TRPC4AP: variants seen among roughly 807,000 people sequenced by gnomAD.
The protein encoded by TRPC4AP is short transient receptor potential channel 4-associated protein.
In TRPC4AP, 45 loss-of-function variants were observed where a neutral mutation model predicts 99.0. That is an observed-to-expected ratio of 0.45 (90% CI 0.36 to 0.58). TRPC4AP has a LOEUF of 0.58. Ranked by LOEUF, TRPC4AP falls within the 20% of genes least tolerant of loss-of-function variation. TRPC4AP has a pLI of 0.00. For synonymous variants in TRPC4AP, 408 were observed against 385.8 expected, an observed-to-expected ratio of 1.06 and a Z score of -0.67; for missense variants, 879 against 985.3, an observed-to-expected ratio of 0.89 and a Z score of 1.44.
At chr20:35,073,542 G>C (rs2084383522) in intron 2 of TRPC4AP, among the ~76,000 whole-genome samples, 1 of 152,126 alleles carries the variant, frequency 6.6e-6, no homozygotes, top group Non-Finnish European at 1.5e-5. Flanking sequence ...TGTGGTTTTT[G>C]TCTTTGGTTC....
chr20:35,022,948 G>A (rs1378280941), intron 8 of TRPC4AP, among the ~76,000 whole-genome samples: 1 of 151,854 alleles, frequency 6.6e-6, no homozygotes, highest in African/African-American at 2.4e-5. Context: ...GCTTGAGCCT[G>A]GAAGGTGAAG....
chr20:35,048,709 GGAGT>G (rs961154354), intron 6 of TRPC4AP, among the ~76,000 whole-genome samples: 6 of 152,158 alleles, frequency 3.9e-5, no homozygotes, highest in African/African-American at 1.4e-4. Flanking sequence ...GGAATGAGAG[GGAGT>G]GAGAGGCAAG....
At chr20:35,060,942 T>C (rs2083989852) in intron 3 of TRPC4AP, among the ~76,000 whole-genome samples, 1 of 152,102 alleles carries the variant, frequency 6.6e-6, no homozygotes, top group Non-Finnish European at 1.5e-5. Context: ...GACAAAGATG[T>C]CCACTCTCGC....
intron 3 of TRPC4AP, among the ~76,000 whole-genome samples, chr20:35,067,802 G>A (rs1030970608): frequency 1.3e-5 from 2 of 152,172 alleles, no homozygotes; most frequent in Non-Finnish European, 2.9e-5. Flanking sequence ...GTCCACGACA[G>A]AGAAATCTAT....
intron 7 of TRPC4AP, among the ~76,000 whole-genome samples, chr20:35,041,466 C>G (rs1238089221): frequency 1.3e-5 from 2 of 151,814 alleles, no homozygotes; most frequent in Non-Finnish European, 2.9e-5. Context: ...CAAGCAGAAT[C>G]ACACATAGAC....
At chr20:35,084,666 GTATA>G (rs534738275) in intron 1 of TRPC4AP, among the ~76,000 whole-genome samples, 4,402 of 125,038 alleles carry the variant, frequency 0.035, 512 homozygotes, top group African/African-American at 0.13. Context: ...GCATATATGT[GTATA>G]TGTATATATG....
rs866867026 is a variant in TRPC4AP at position 35,032,718 on chromosome 20, C to T, written c.1051+2405G>A. Among the ~76,000 whole-genome samples the T allele has an allele frequency of 3.2e-4, 48 of 151,936 alleles. 1 individual carries two copies. Among genetic ancestry groups the T allele is most frequent in the African/African-American group, 1.1e-3 (46 of 41,370 alleles). On this transcript the variant is annotated intron_variant, in intron 8 of 18. Coordinates refer to ENST00000252015, the MANE Select transcript of TRPC4AP (RefSeq NM_015638.3). ...CGATCTCCTGACCTCGTGATCCGCC[C>T]GCCTCAGCCTCCCAAAGTGCTGGGA...
chr20:35,011,641 TGTGACTGTGACCCACAAC>T (rs1569083238), intron 11 of TRPC4AP, among the ~76,000 whole-genome samples: 10 of 152,160 alleles, frequency 6.6e-5, no homozygotes, highest in East Asian at 3.9e-4. Context: ...CACAACACCC[TGTGACTGTGACCCACAAC>T]GTCCTGTGCA....
At chr20:35,020,640 C>T (rs60008149) in intron 9 of TRPC4AP, among the ~76,000 whole-genome samples, 6,697 of 152,168 alleles carry the variant, frequency 0.044, 488 homozygotes, top group African/African-American at 0.15. Flanking sequence ...TAGAAGGGCG[C>T]GGTCTGCAGG....
At chr20:35,041,021 A>G (rs1247054637) in intron 7 of TRPC4AP, among the ~76,000 whole-genome samples, 1 of 106,784 alleles carries the variant, frequency 9.4e-6, no homozygotes, top group Non-Finnish European at 2.1e-5. Flanking sequence ...AGGAAAATTC[A>G]TATGTGGATA....
intron 8 of TRPC4AP, among the ~76,000 whole-genome samples, chr20:35,022,454 C>T (rs1488794963): frequency 1.3e-5 from 2 of 152,182 alleles, no homozygotes; most frequent in Non-Finnish European, 2.9e-5. Flanking sequence ...CGGTGCCCAG[C>T]GTAGATCCCT....
intron 8 of TRPC4AP, among the ~76,000 whole-genome samples, chr20:35,031,571 C>G (rs113611670): frequency 0.012 from 1,806 of 151,690 alleles, 18 homozygotes; most frequent in Non-Finnish European, 0.02. Context: ...GCATGTGGAT[C>G]TGAGTATTCC....
At chr20:35,007,346 C>T (rs1394052708) in intron 14 of TRPC4AP, among the ~76,000 whole-genome samples, 1 of 152,210 alleles carries the variant, frequency 6.6e-6, no homozygotes, top group Non-Finnish European at 1.5e-5. Context: ...GCCTGGCCAC[C>T]CTCTAAACCT....
chr20:35,057,595 C>T (rs1461587777), intron 3 of TRPC4AP, 24 bp from the exon 4 acceptor site: 2 of 1,570,000 alleles, frequency 1.3e-6, no homozygotes, highest in Admixed American at 3.4e-5. Context: ...TAGATAAAAT[C>T]TTCAAAATTA....
chr20:35,072,850 T>C (rs1240250073), intron 2 of TRPC4AP, among the ~76,000 whole-genome samples: 3 of 152,234 alleles, frequency 2.0e-5, no homozygotes, highest in South Asian at 2.1e-4. Context: ...GGGGATGGCA[T>C]TGAATCTATC....
At chr20:35,089,529 G>A (rs2084982325) in intron 1 of TRPC4AP, among the ~76,000 whole-genome samples, 1 of 103,952 alleles carries the variant, frequency 9.6e-6, no homozygotes, top group Non-Finnish European at 2.2e-5. Context: ...AATGTACCTG[G>A]CCTATATTAT....
At chr20:35,005,603 C>T in intron 16 of TRPC4AP, 92 bp downstream of exon 16, 1 of 1,245,160 alleles carries the variant, frequency 8.0e-7, no homozygotes. Context: ...GCAGCTCCCT[C>T]AGTCATTCTT....
intron 5 of TRPC4AP, among the ~76,000 whole-genome samples, chr20:35,053,089 T>A (rs1414881821): frequency 6.6e-6 from 1 of 152,192 alleles, no homozygotes; most frequent in East Asian, 1.9e-4. Flanking sequence ...AGGTACATAA[T>A]TTCAGGGAGC....
At chr20:35,016,367 G>T (rs750795942) in intron 9 of TRPC4AP, among the ~76,000 whole-genome samples, 33 of 152,136 alleles carry the variant, frequency 2.2e-4, no homozygotes, top group Non-Finnish European at 4.4e-4. Flanking sequence ...AAGGCATAAT[G>T]TCCGGTAGTT....
Sources: allele counts gnomAD v4.1 joint callset (sites outside exome capture counted in the v4.1 genomes callset), GRCh38; gene constraint gnomAD v4.1.1; transcripts MANE v1.5; gene names NCBI Gene and HGNC (gene_info 2026-07-23, HGNC 2026-07-21).